The following JAZF1 variants were observed in gnomAD, a reference collection of about 807,000 sequenced individuals.
JAZF1 encodes the protein juxtaposed with another zinc finger protein 1.
In JAZF1, 8 loss-of-function variants were observed where a neutral mutation model predicts 26.4. That is an observed-to-expected ratio of 0.30 (90% CI 0.18 to 0.55). JAZF1 has a LOEUF of 0.55. Ranked by LOEUF, JAZF1 falls within the 20% of genes least tolerant of loss-of-function variation. JAZF1 has a pLI of 0.94. For missense variants in JAZF1, 199 were observed against 322.0 expected (o/e 0.62, Z 2.92); for synonymous variants, 126 against 122.3 (o/e 1.03, Z -0.20).
intron 2 of JAZF1, among the ~76,000 whole-genome samples, chr7:27,969,047 T>A (rs928279604): frequency 6.6e-6 from 1 of 152,242 alleles, no homozygotes; most frequent in Non-Finnish European, 1.5e-5. Context: ...CAGGATGTGA[T>A]GCCATTTATC....
intron 1 of JAZF1, among the ~76,000 whole-genome samples, chr7:28,055,840 C>T (rs934213713): frequency 1.3e-5 from 2 of 152,262 alleles, no homozygotes; most frequent in East Asian, 1.9e-4. Flanking sequence ...CAAAGCAATA[C>T]GTATAATATA....
intron 3 of JAZF1, among the ~76,000 whole-genome samples, chr7:27,859,887 A>G (rs1783346378): frequency 6.6e-6 from 1 of 152,222 alleles, no homozygotes; most frequent in Admixed American, 6.5e-5. Flanking sequence ...AAATGAATAC[A>G]AATTATCAAA....
At chr7:28,156,939 A>G (rs1187904304) in intron 1 of JAZF1, among the ~76,000 whole-genome samples, 3 of 152,222 alleles carry the variant, frequency 2.0e-5, no homozygotes, top group Non-Finnish European at 4.4e-5. Flanking sequence ...TACATTTCCC[A>G]TATTTGTTTA....
At chr7:28,083,954 A>G (rs1201166427) in intron 1 of JAZF1, among the ~76,000 whole-genome samples, 2 of 152,134 alleles carry the variant, frequency 1.3e-5, no homozygotes, top group Non-Finnish European at 2.9e-5. Context: ...ATTTTATGAC[A>G]ACAAGTCTAA....
chr7:27,919,710 G>T (rs1784498396), intron 2 of JAZF1, among the ~76,000 whole-genome samples: 1 of 152,186 alleles, frequency 6.6e-6, no homozygotes, highest in African/African-American at 2.4e-5. Context: ...TGTGCTATTT[G>T]ACTACAGGAG....
At chr7:28,024,570 A>C (rs1783061668) in intron 1 of JAZF1, among the ~76,000 whole-genome samples, 1 of 152,198 alleles carries the variant, frequency 6.6e-6, no homozygotes, top group South Asian at 2.1e-4. Context: ...AGGTATGAGA[A>C]CACTAGTTGG....
chr7:27,859,774 C>T (rs1300378928), intron 3 of JAZF1, among the ~76,000 whole-genome samples: 8 of 152,028 alleles, frequency 5.3e-5, no homozygotes, highest in East Asian at 1.9e-4. Context: ...ATGTAGATGA[C>T]GGGTTGATGG....
rs1177944178 is a variant in JAZF1, at chr7:27,832,558, CT to C, written c.*241del. 5 of 309,866 alleles carry C rather than the reference CT, an allele frequency of 1.6e-5. No homozygotes were observed. Among genetic ancestry groups the C allele is most frequent in the East Asian group, 4.8e-5 (1 of 20,792 alleles). The allele number at this position is 309,866 out of a possible 1,614,324, so 19.2% of individuals were successfully genotyped here. On this transcript the variant is annotated 3_prime_UTR_variant, in exon 5 of 5. Transcript: ENST00000283928. ...GGGAAATGTGCTGAAGAACCTAGAG[CT>C]TTTTTTGTTTAGCACCTTATATCAA...
chr7:28,035,507 A>G (rs1351225928), intron 1 of JAZF1, among the ~76,000 whole-genome samples: 1 of 151,998 alleles, frequency 6.6e-6, no homozygotes, highest in East Asian at 1.9e-4. Context: ...ATATTTTTTC[A>G]AAACATGTTT....
chr7:27,878,683 T>C (rs1421614258), intron 3 of JAZF1, among the ~76,000 whole-genome samples: 4 of 152,122 alleles, frequency 2.6e-5, no homozygotes, highest in African/African-American at 7.2e-5. Context: ...AATTTAGGAG[T>C]GTTAAGGAAT....
chr7:27,982,371 A>T (rs999148302), intron 2 of JAZF1, among the ~76,000 whole-genome samples: 6 of 147,814 alleles, frequency 4.1e-5, no homozygotes, highest in Non-Finnish European at 7.5e-5. Context: ...GCCATCTGAG[A>T]TCGAACAGCA....
chr7:27,940,163 A>G (rs112607767), intron 2 of JAZF1, among the ~76,000 whole-genome samples: 3 of 152,222 alleles, frequency 2.0e-5, no homozygotes, highest in African/African-American at 7.2e-5. Flanking sequence ...CCCCGGTACC[A>G]TTCTCAGTGA....
At position 28,094,385 on chromosome 7, in the gene JAZF1, G is replaced by A. The variant is rs563547609; in HGVS notation, c.115+86078C>T. 2.0e-5 allele frequency among the ~76,000 whole-genome samples: 3 copies of A among 152,276 alleles called. No homozygotes were observed. In the South Asian group the frequency reaches 6.2e-4, roughly 32 times the overall value. ...AAGACAGAAACCAAAGGGCTGACTC[G>A]CCAAACATCAGCAGTCTCCTTTCCA... On this transcript the variant is annotated intron_variant, in intron 1 of 4. Coordinates refer to ENST00000283928, the MANE Select transcript of JAZF1 (RefSeq NM_175061.4).
At chr7:28,164,092 T>G (rs1783330211) in intron 1 of JAZF1, among the ~76,000 whole-genome samples, 1 of 152,228 alleles carries the variant, frequency 6.6e-6, no homozygotes, top group Non-Finnish European at 1.5e-5. Flanking sequence ...TACTAGCTGC[T>G]GCCCCTTCAG....
At chr7:27,976,265 G>A (rs1213371334) in intron 2 of JAZF1, among the ~76,000 whole-genome samples, 2 of 149,822 alleles carry the variant, frequency 1.3e-5, no homozygotes, top group Non-Finnish European at 2.9e-5. Flanking sequence ...AGAATGGCGC[G>A]AACCCGGGAG....
At chr7:28,178,520 TATATC>T (rs1460526964) in intron 1 of JAZF1, among the ~76,000 whole-genome samples, 2 of 152,210 alleles carry the variant, frequency 1.3e-5, no homozygotes, top group African/African-American at 2.4e-5. Flanking sequence ...TTATATTACT[TATATC>T]ATACATATTA....
intron 2 of JAZF1, among the ~76,000 whole-genome samples, chr7:27,921,880 T>A (rs949926705): frequency 6.6e-6 from 1 of 152,144 alleles, no homozygotes; most frequent in African/African-American, 2.4e-5. Flanking sequence ...GAAAAGTATT[T>A]TTTTAAAAAA....
chr7:28,033,755 G>A (rs1489508363), intron 1 of JAZF1, among the ~76,000 whole-genome samples: 1 of 151,874 alleles, frequency 6.6e-6, no homozygotes, highest in Non-Finnish European at 1.5e-5. Context: ...TTTTTTGGGG[G>A]GGCAATGGGA....
intron 1 of JAZF1, among the ~76,000 whole-genome samples, chr7:28,103,287 C>T (rs1784502794): frequency 6.6e-6 from 1 of 152,006 alleles, no homozygotes; most frequent in African/African-American, 2.4e-5. Context: ...AAAAATTGCC[C>T]ACTGGATGCT....
Sources: allele counts gnomAD v4.1 joint callset (sites outside exome capture counted in the v4.1 genomes callset), GRCh38; gene constraint gnomAD v4.1.1; transcripts MANE v1.5; gene names NCBI Gene and HGNC (gene_info 2026-07-23, HGNC 2026-07-21).